AUTS2: variants seen among roughly 807,000 people sequenced by gnomAD.
AUTS2 encodes activator of transcription and developmental regulator AUTS2.
AUTS2 carries 17 observed loss-of-function variants against 112.4 expected under a neutral mutation model. That is an observed-to-expected ratio of 0.15 (90% CI 0.10 to 0.23). The LOEUF (loss-of-function observed/expected upper bound fraction) is 0.23, where lower values mean the gene tolerates loss of function less well. Ranked by LOEUF, AUTS2 falls within the 10% of genes least tolerant of loss-of-function variation. The pLI is 1.00. For synonymous variants in AUTS2, 751 were observed against 702.7 expected (o/e 1.07, Z -1.09); for missense variants, 1,510 against 1,701.6 (o/e 0.89, Z 1.98).
At chr7:70,365,768 GA>G (rs1402494780) in intron 4 of AUTS2, among the ~76,000 whole-genome samples, 1 of 152,216 alleles carries the variant, frequency 6.6e-6, no homozygotes, top group Admixed American at 6.5e-5. Flanking sequence ...AAGCTGTTAA[GA>G]AAACTTTGTT....
At chr7:70,517,690 A>G (rs1056550433) in intron 5 of AUTS2, among the ~76,000 whole-genome samples, 16 of 151,474 alleles carry the variant, frequency 1.1e-4, no homozygotes, top group Non-Finnish European at 2.1e-4. Context: ...AATGATAGAA[A>G]TTGTTCACTT....
At chr7:70,371,415 C>A (rs1225422236) in intron 4 of AUTS2, among the ~76,000 whole-genome samples, 1 of 152,166 alleles carries the variant, frequency 6.6e-6, no homozygotes, top group African/African-American at 2.4e-5. Flanking sequence ...GACCTGTAAG[C>A]TTTTCTGAGA....
chr7:70,247,106 G>A (rs1812965670), intron 4 of AUTS2, among the ~76,000 whole-genome samples: 1 of 152,022 alleles, frequency 6.6e-6, no homozygotes, highest in African/African-American at 2.4e-5. Context: ...TCAAAAGGTA[G>A]AAATAACTCA....
chr7:69,625,899 G>T (rs963322416), intron 1 of AUTS2, among the ~76,000 whole-genome samples: 2 of 151,974 alleles, frequency 1.3e-5, no homozygotes, highest in African/African-American at 4.8e-5. Flanking sequence ...GGAAAGGGAA[G>T]GAGAAGAAAG....
chr7:69,806,023 C>T (rs1055314278), intron 1 of AUTS2, among the ~76,000 whole-genome samples: 1 of 151,888 alleles, frequency 6.6e-6, no homozygotes, highest in East Asian at 1.9e-4. Flanking sequence ...CCTCAGCCTC[C>T]TGAGTAGCTG....
chr7:70,295,554 TG>T (rs1431203622), intron 4 of AUTS2, among the ~76,000 whole-genome samples: 1 of 152,200 alleles, frequency 6.6e-6, no homozygotes, highest in Non-Finnish European at 1.5e-5. Flanking sequence ...TGTTCCACAC[TG>T]CATATTTAAT....
chr7:70,009,405 G>T (rs181382490), intron 2 of AUTS2, among the ~76,000 whole-genome samples: 1 of 152,136 alleles, frequency 6.6e-6, no homozygotes, highest in Non-Finnish European at 1.5e-5. Context: ...TTTGTTTAAC[G>T]TTGGTATCGA....
chr7:70,684,141 A>C (rs1426928096), intron 5 of AUTS2, among the ~76,000 whole-genome samples: 1 of 152,216 alleles, frequency 6.6e-6, no homozygotes, highest in South Asian at 2.1e-4. Context: ...AGGGAAAAAA[A>C]AAAAAAGCTT....
chr7:70,331,979 A>G (rs983094719), intron 4 of AUTS2, among the ~76,000 whole-genome samples: 2 of 152,152 alleles, frequency 1.3e-5, no homozygotes, highest in Non-Finnish European at 2.9e-5. Context: ...CAGGCAAGAG[A>G]AAGAAATAAA....
intron 2 of AUTS2, among the ~76,000 whole-genome samples, chr7:69,975,586 T>C (rs1798022075): frequency 6.6e-6 from 1 of 152,168 alleles, no homozygotes; most frequent in Admixed American, 6.5e-5. Flanking sequence ...TTTTTTCTCT[T>C]TTGTTTAGAT....
chr7:70,513,394 T>C (rs890481722), intron 5 of AUTS2, among the ~76,000 whole-genome samples: 4 of 152,184 alleles, frequency 2.6e-5, no homozygotes, highest in African/African-American at 7.2e-5. Context: ...TTTTCCATAA[T>C]TGAAGATAGC....
At chr7:70,325,348 GA>G (rs1790439136) in intron 4 of AUTS2, among the ~76,000 whole-genome samples, 1 of 151,892 alleles carries the variant, frequency 6.6e-6, no homozygotes, top group South Asian at 2.1e-4. Context: ...AAATAAAACT[GA>G]AAAAAAGAAA....
intron 2 of AUTS2, among the ~76,000 whole-genome samples, chr7:70,087,404 T>C (rs957660616): frequency 6.0e-5 from 9 of 151,114 alleles, no homozygotes; most frequent in Admixed American, 1.3e-4. Context: ...AGTCTCACTC[T>C]TGTAGCCCAG....
At chr7:70,232,847 A>T (rs1209046686) in intron 4 of AUTS2, among the ~76,000 whole-genome samples, 19 of 152,230 alleles carry the variant, frequency 1.2e-4, no homozygotes, top group Non-Finnish European at 2.9e-5. Context: ...TCTTGACAAC[A>T]CAGGTAGCAG....
chr7:69,784,424 C>T (rs539382828), intron 1 of AUTS2, among the ~76,000 whole-genome samples: 97 of 152,276 alleles, frequency 6.4e-4, no homozygotes, highest in African/African-American at 1.7e-3. Context: ...TTGTTTTGCC[C>T]GTCTGCCATT....
intron 4 of AUTS2, among the ~76,000 whole-genome samples, chr7:70,215,888 T>C (rs1459905043): frequency 6.6e-6 from 1 of 152,192 alleles, no homozygotes; most frequent in Non-Finnish European, 1.5e-5. Flanking sequence ...CTGTTTTAGT[T>C]TAGTAATACA....
chr7:70,290,215 T>C (rs1788646353), intron 4 of AUTS2, among the ~76,000 whole-genome samples: 1 of 152,194 alleles, frequency 6.6e-6, no homozygotes, highest in Non-Finnish European at 1.5e-5. Flanking sequence ...TAAATGATCA[T>C]AAGCTTATGT....
intron 4 of AUTS2, among the ~76,000 whole-genome samples, chr7:70,366,658 G>A: frequency 6.6e-6 from 1 of 152,166 alleles, no homozygotes. Context: ...GAAGAGAGTT[G>A]ATATTCACCT....
chr7:70,528,184 G>C (rs1799934808), intron 5 of AUTS2, among the ~76,000 whole-genome samples: 1 of 142,630 alleles, frequency 7.0e-6, no homozygotes, highest in Admixed American at 7.4e-5. Context: ...TATTGTAACT[G>C]TCCAGTGGAG....
Sources: allele counts gnomAD v4.1 joint callset (sites outside exome capture counted in the v4.1 genomes callset), GRCh38; gene constraint gnomAD v4.1.1; transcripts MANE v1.5; gene names NCBI Gene and HGNC (gene_info 2026-07-23, HGNC 2026-07-21).